The following CEBPZ variants were observed in gnomAD, a reference collection of about 807,000 sequenced individuals.
CEBPZ encodes CCAAT/enhancer-binding protein zeta.
Under a neutral mutation model 104.5 loss-of-function variants are expected in CEBPZ, and 78 were observed. The observed-to-expected ratio is 0.75, with a 90% CI of 0.62 to 0.90. The LOEUF (loss-of-function observed/expected upper bound fraction) is 0.90. CEBPZ is among the 40% of genes least tolerant of loss of function. CEBPZ has a pLI of 0.00. For synonymous variants in CEBPZ, 470 were observed against 427.0 expected (o/e 1.10, Z -1.24); for missense variants, 1,439 against 1,233.5 (o/e 1.17, Z -2.50).
intron 1 of CEBPZ, among the ~76,000 whole-genome samples, chr2:37,229,454 G>A (rs1664979900): frequency 6.6e-6 from 1 of 152,120 alleles, no homozygotes; most frequent in African/African-American, 2.4e-5. Context: ...ACCTCACTGA[G>A]GTTTAGACAA....
At chr2:37,225,452 C>G (rs1339556267) in intron 2 of CEBPZ, among the ~76,000 whole-genome samples, 1 of 148,728 alleles carries the variant, frequency 6.7e-6, no homozygotes, top group Non-Finnish European at 1.5e-5. Flanking sequence ...ACCTTACCCC[C>G]AACCCCGTGC....
chr2:37,229,290 A>G (rs1477509424), intron 1 of CEBPZ, among the ~76,000 whole-genome samples: 5 of 152,200 alleles, frequency 3.3e-5, no homozygotes, highest in Admixed American at 3.3e-4. Flanking sequence ...AAACTGGAAA[A>G]AAAATACAAG....
At chr2:37,230,223 A>G (rs1225098112) in intron 1 of CEBPZ, among the ~76,000 whole-genome samples, 1 of 152,254 alleles carries the variant, frequency 6.6e-6, no homozygotes, top group African/African-American at 2.4e-5. Flanking sequence ...CAGAAAAGAA[A>G]GCAAAATGTA....
chr2:37,222,275 CTCTG>C lies in CEBPZ; in HGVS notation c.2065+101_2065+104del, dbSNP rs1471326313. 2.9e-6 allele frequency: 3 copies of C among 1,030,642 alleles called. No homozygotes were observed. In the African/African-American group the frequency reaches 5.0e-5, roughly 17 times the overall value. 63.8% of individuals were successfully genotyped at this position (1,030,642 alleles called of 1,614,324 possible). On this transcript the variant is annotated intron_variant, in intron 4 of 15. Coordinates refer to ENST00000234170, the MANE Select transcript of CEBPZ (RefSeq NM_005760.3). ...TTCCAGCCTGGGCAACAGAGTGAGA[CTCTG>C]TCTAAATAAATAAATAAGTAAATAA...
Position 37,216,148 on chromosome 2 carries a change from T to C in CEBPZ, c.2372A>G (p.His791Arg), listed in dbSNP as rs752301019. The C allele has an allele frequency of 1.5e-5, 24 of 1,610,346 alleles. No homozygotes were observed. Among genetic ancestry groups the C allele is most frequent in the Non-Finnish European group, 1.9e-5 (22 of 1,177,888 alleles). ...KRKHFIKDIR[H>R]LPVNSKEFLA... ...CTAAGGTTTATACTTACCAGGAAGA[T>C]GACGAATATCCTTAATAAAATGTTT... The change falls in exon 8 of 16, where the codon CAT (histidine) becomes CGT (arginine). Residue 791 changes from histidine (H) to arginine (R), a missense_variant. Transcript: ENST00000234170.
Position 37,202,995 on chromosome 2 carries a change from C to T in CEBPZ, c.2898G>A (p.Lys966=). The change falls in exon 14 of 16, where the codon AAG becomes AAA. Residue 966 remains lysine, a synonymous_variant. Coordinates refer to ENST00000234170, the MANE Select transcript of CEBPZ (RefSeq NM_005760.3). ...GGCTGGAATCATTTAAGTTTCTTTT[C>T]TTTTTTCTTGGCCCTAAAAAAAATT... The part of the protein sequence containing the change: ...FAGSFQGPRK[K]KRNLNDSSLF... 1 of 1,549,914 alleles carries T rather than the reference C, an allele frequency of 6.5e-7. No individual in the cohort carries two copies.
chr2:37,215,820 T>C (rs1173032859), intron 8 of CEBPZ, among the ~76,000 whole-genome samples: 1 of 152,060 alleles, frequency 6.6e-6, no homozygotes, highest in Non-Finnish European at 1.5e-5. Context: ...ATTATATACA[T>C]AGGGGTTGTG....
intron 13 of CEBPZ, chr2:37,209,060 A>AC (rs1677634643): frequency 2.0e-5 from 1 of 50,576 alleles, no homozygotes; most frequent in African/African-American, 7.2e-5. Context: ...AAAAAAAAAA[A>AC]ATAATAATAC....
intron 5 of CEBPZ, among the ~76,000 whole-genome samples, chr2:37,217,908 A>AAC (rs756906486): frequency 0.041 from 6,246 of 150,712 alleles, 176 homozygotes; most frequent in Non-Finnish European, 0.06. Context: ...TCTCAAAAAA[A>AAC]AAAAACAAAA....
At position 37,228,628 on chromosome 2, in the gene CEBPZ, T is replaced by C. The variant is rs762000165; in HGVS notation, c.565A>G (p.Ser189Gly). 1.9e-6 allele frequency: 3 copies of C among 1,614,210 alleles called. No homozygotes were observed. The highest frequency in any genetic ancestry group is 2.2e-5 in the South Asian group (2 of 91,082). The change falls in exon 2 of 16, where the codon AGC (serine) becomes GGC (glycine). Residue 189 changes from serine to glycine, a missense_variant. Transcript: ENST00000234170. ...TGGGGTTTCAAAGAATATTCATTGC[T>C]GTACTCCAGATCATACCATTTGCCT... Reference protein sequence around the residue: ...PGGKWYDLEYSNEYSLKPQPQ... With the variant: ...PGGKWYDLEYGNEYSLKPQPQ...
intron 13 of CEBPZ, chr2:37,203,891 A>G (rs1458727644): frequency 6.6e-6 from 1 of 152,208 alleles, no homozygotes; most frequent in Non-Finnish European, 1.5e-5. Context: ...GTTGTGGGCT[A>G]CATAATATTC....
chr2:37,212,867 C>CA (rs749522819), intron 10 of CEBPZ, among the ~76,000 whole-genome samples: 18,372 of 117,068 alleles, frequency 0.16, 1,387 homozygotes, highest in South Asian at 0.28. Context: ...ACAACAACAA[C>CA]AAAAAAAAAA....
intron 2 of CEBPZ, 38 bp downstream of exon 2, chr2:37,227,506 A>G (rs756351720): frequency 6.5e-7 from 1 of 1,546,130 alleles, no homozygotes; most frequent in Non-Finnish European, 8.7e-7. Flanking sequence ...ACATCAAGTT[A>G]TTATTTCATG....
chr2:37,216,382 C>T lies in CEBPZ; in HGVS notation c.2245G>A (p.Asp749Asn). The T allele has an allele frequency of 6.2e-7, 1 of 1,613,750 alleles. No homozygotes were observed. The highest frequency in any genetic ancestry group is 8.5e-7 in the Non-Finnish European group (1 of 1,179,886). Residue 749 changes from aspartate (D) to asparagine (N), a missense_variant, in exon 7 of 16, where the codon GAT becomes AAT. Transcript: ENST00000234170. ...TCCAAAAATCTCATTAGAGTGAAATCCTGCAGTGGGTCCCCTGAATACTGA... is the reference window on the plus strand; with the variant it reads ...TCCAAAAATCTCATTAGAGTGAAATTCTGCAGTGGGTCCCCTGAATACTGA... ...YIQYSGDPLQ[D>N]FTLMRFLDRF...
chr2:37,231,336 G>A, intron 1 of CEBPZ, 76 bp downstream of exon 1: 1 of 1,569,612 alleles, frequency 6.4e-7, no homozygotes, highest in Non-Finnish European at 8.7e-7. Context: ...CAGCGCGGAA[G>A]CGGCGGGGCA....
In CEBPZ at chr2:37,201,690, T is replaced by TA. The variant is rs1457198895; in HGVS notation, c.*73dup. The TA allele has an allele frequency of 4.5e-6, 4 of 892,152 alleles. No individual in the cohort carries two copies. The highest frequency in any genetic ancestry group is 5.5e-6 in the Non-Finnish European group (3 of 544,468). 55.3% of individuals were successfully genotyped at this position (892,152 alleles called of 1,614,324 possible). On this transcript the variant is annotated 3_prime_UTR_variant, in exon 16 of 16. Transcript: ENST00000234170. Reference sequence around the variant, plus strand: ...TCTGGAATGTATGGAATCAGAGAGCTAGATCAAAAAACATGGTTGAACAGC... The same window carrying TA: ...TCTGGAATGTATGGAATCAGAGAGCTAAGATCAAAAAACATGGTTGAACAGC...
Position 37,224,244 on chromosome 2 carries a change from C to T in CEBPZ, c.1650-843G>A, listed in dbSNP as rs538621637. Among the ~76,000 whole-genome samples the T allele has an allele frequency of 2.6e-5, 4 of 152,254 alleles. No individual in the cohort carries two copies. In the East Asian group the frequency reaches 7.7e-4, roughly 29 times the overall value. ...TAATGTCTGTCTTCTGTAGGCTGCT[C>T]TACTTTGATCTCATGATACTTTAAA... On this transcript the variant is annotated intron_variant, in intron 2 of 15. Transcript: ENST00000234170.
rs1372329598 is a variant in CEBPZ, at chr2:37,215,067, G to C, written c.2381-115C>G. On this transcript the variant is annotated intron_variant, in intron 8 of 15. Coordinates refer to ENST00000234170, the MANE Select transcript of CEBPZ (RefSeq NM_005760.3). Reference sequence around the variant, plus strand: ...AATTCTAAAAATCTCAGAATTGTGTGGGAAGGTAGACAGAAGGGACTCTGG... The same window carrying C: ...AATTCTAAAAATCTCAGAATTGTGTCGGAAGGTAGACAGAAGGGACTCTGG... 5 of 720,866 alleles carry C rather than the reference G, an allele frequency of 6.9e-6. No homozygotes were observed. In the East Asian group the frequency reaches 1.4e-4, roughly 20 times the overall value. 44.7% of individuals were successfully genotyped at this position (720,866 alleles called of 1,614,324 possible). A position where few individuals can be genotyped will look rare whatever the true frequency, so the allele number is the denominator to read the frequency against.
At chr2:37,207,799 AT>A (rs1479166900) in intron 13 of CEBPZ, among the ~76,000 whole-genome samples, 2 of 152,204 alleles carry the variant, frequency 1.3e-5, no homozygotes, top group African/African-American at 4.8e-5. Context: ...GAAATAACAA[AT>A]ATCAGAGCAG....
Sources: allele counts gnomAD v4.1 joint callset (sites outside exome capture counted in the v4.1 genomes callset), GRCh38; gene constraint gnomAD v4.1.1; transcripts MANE v1.5; gene names NCBI Gene and HGNC (gene_info 2026-07-23, HGNC 2026-07-21).